Variants in GRIN1 observed in about 807,000 individuals in gnomAD.
GRIN1 encodes glutamate receptor ionotropic, NMDA 1.
GRIN1 carries 38 observed loss-of-function variants against 103.0 expected under a neutral mutation model. The ratio of observed to expected loss-of-function variants is 0.37; its 90% CI spans 0.28 to 0.48. The LOEUF is 0.48. GRIN1 is among the 20% of genes least tolerant of loss of function. GRIN1 has a pLI of 0.98. For synonymous variants in GRIN1, 544 were observed against 532.7 expected, an observed-to-expected ratio of 1.02 and a Z score of -0.29; for missense variants, 577 against 1,288.9, an observed-to-expected ratio of 0.45 and a Z score of 8.46.
At chr9:137,166,484 C>A in intron 19 of GRIN1, among the ~76,000 whole-genome samples, 1 of 152,248 alleles carries the variant, frequency 6.6e-6, no homozygotes, top group Admixed American at 6.5e-5. Context: ...AGCTTACGCC[C>A]GGGGGAGGAA....
chr9:137,167,041 T>C (rs1239649507), intron 19 of GRIN1, among the ~76,000 whole-genome samples: 6 of 152,098 alleles, frequency 3.9e-5, no homozygotes, highest in Non-Finnish European at 8.8e-5. Context: ...CCCAGGGACA[T>C]GTTCCCAGCG....
At chr9:137,143,969 C>T (rs1284094080) in intron 2 of GRIN1, among the ~76,000 whole-genome samples, 2 of 152,238 alleles carry the variant, frequency 1.3e-5, no homozygotes, top group African/African-American at 2.4e-5. Context: ...CAAGCCAGGG[C>T]AAGCAAGCAC....
chr9:137,163,738 G>T, intron 17 of GRIN1, 21 bp from the exon 18 acceptor site: 1 of 1,613,760 alleles, frequency 6.2e-7, no homozygotes, highest in Non-Finnish European at 8.5e-7. Context: ...AGCAACTGAG[G>T]CTCTGGGTCC....
At chr9:137,165,536 A>T (rs958544819) in intron 19 of GRIN1, 1 of 501,610 alleles carries the variant, frequency 2.0e-6, no homozygotes, top group Admixed American at 3.1e-5. Flanking sequence ...CTGCCCGCCC[A>T]CCTCCCCTGC....
In GRIN1 at chr9:137,139,642, G is replaced by T. The variant is rs202166785; in HGVS notation, c.156G>T (p.Arg52=). The T allele has an allele frequency of 6.2e-7, 1 of 1,613,862 alleles. No homozygotes were observed. Among genetic ancestry groups the T allele is most frequent in the Admixed American group, 1.7e-5 (1 of 60,024 alleles). The change falls in exon 1 of 20, where the codon CGG becomes CGT. Residue 52 remains arginine (R), a synonymous_variant. Transcript: ENST00000371561. This position sits in a 1 kb window ranked among gnomAD's most constrained non-coding sequence, Gnocchi z 7.7. Reference sequence around the variant, plus strand: ...AGGCCGTGAACCAGGCCAACAAGCGGCACGGCTCCTGGAAGATTCAGCTCA... The same window carrying T: ...AGGCCGTGAACCAGGCCAACAAGCGTCACGGCTCCTGGAAGATTCAGCTCA... The part of the protein sequence containing the change: ...FREAVNQANK[R]HGSWKIQLNA...
At position 137,161,433 on chromosome 9, in the gene GRIN1, G is replaced by T. The variant is rs771374825; in HGVS notation, c.1467+17G>T. The T allele has an allele frequency of 1.2e-6, 2 of 1,607,416 alleles. No individual in the cohort carries two copies. The highest frequency in any genetic ancestry group is 4.5e-5 in the East Asian group (2 of 44,700). On this transcript the variant is annotated intron_variant, in intron 10 of 19. Transcript: ENST00000371561. ...CAGGAGCGGGTAGGCTGGACGGCGG[G>T]GGTGGGGACCAGCGTGAGAGGGGCC...
chr9:137,161,836 G>A, intron 10 of GRIN1, 88 bp from the exon 11 acceptor site: 1 of 1,348,114 alleles, frequency 7.4e-7, no homozygotes, highest in Non-Finnish European at 1.0e-6. Context: ...GACCCCCGGA[G>A]TGCTCTAGGG....
chr9:137,145,903 G>T lies in GRIN1; in HGVS notation c.570+1G>T. 1 of 1,596,812 alleles carries T rather than the reference G, an allele frequency of 6.3e-7. No individual in the cohort carries two copies. The highest frequency in any genetic ancestry group is 8.5e-7 in the Non-Finnish European group (1 of 1,171,810). On this transcript the variant is annotated splice_donor_variant, in intron 3 of 19. Coordinates refer to ENST00000371561, the MANE Select transcript of GRIN1 (RefSeq NM_007327.4). LOFTEE classifies it high-confidence loss of function. ...GCTGCTGGAGGAGCGTGAGTCCAAG[G>T]TGAGGGTCGGCGCCGCGGGTGGGCG...
intron 3 of GRIN1, among the ~76,000 whole-genome samples, chr9:137,147,405 TGCACACAC>T (rs1327142211): frequency 2.6e-5 from 4 of 151,944 alleles, no homozygotes; most frequent in Admixed American, 1.3e-4. Flanking sequence ...CAGACACACA[TGCACACAC>T]GCACACACGT....
intron 3 of GRIN1, among the ~76,000 whole-genome samples, chr9:137,147,472 G>A (rs980753223): frequency 6.6e-5 from 10 of 151,060 alleles, no homozygotes; most frequent in East Asian, 3.9e-4. Flanking sequence ...ATGCACACAC[G>A]CACACACAAG....
Position 137,148,905 on chromosome 9 carries a change from G to C in GRIN1, c.571-104G>C. ...GCAGGCGCAGACCATGGCAGCCCTA[G>C]CTAAGCTGCCTCGGGGTTCCCAGCG... On this transcript the variant is annotated intron_variant, in intron 3 of 19. Coordinates refer to ENST00000371561, the MANE Select transcript of GRIN1 (RefSeq NM_007327.4). 4 of 821,934 alleles carry C rather than the reference G, an allele frequency of 4.9e-6. No individual in the cohort carries two copies. The East Asian group carries it at 1.1e-4, about 22-fold the overall frequency. 50.9% of individuals were successfully genotyped at this position (821,934 alleles called of 1,614,324 possible). A position where few individuals can be genotyped will look rare whatever the true frequency, so the allele number is the denominator to read the frequency against.
chr9:137,161,209 G>T lies in GRIN1; in HGVS notation c.1339+12G>T, dbSNP rs762183167. The T allele has an allele frequency of 1.2e-6, 2 of 1,606,678 alleles. No homozygotes were observed. Among genetic ancestry groups the T allele is most frequent in the East Asian group, 2.2e-5 (1 of 44,576 alleles). On this transcript the variant is annotated intron_variant, in intron 9 of 19. Coordinates refer to ENST00000371561, the MANE Select transcript of GRIN1 (RefSeq NM_007327.4). ...GTCGCCGGGCAGCCGTGAGTGCGCG[G>T]GGCAGGGCGCGGGGCGCGGGGCAGG...
chr9:137,167,374 G>A lies in GRIN1; in HGVS notation c.2701-37G>A, dbSNP rs377047547. On this transcript the variant is annotated intron_variant, in intron 19 of 19. Transcript: ENST00000371561. ...GGGCTGGGGTCCCTGGCGGCCGGCGGGGCCAGCGGGTATTGATTGTTGGTT... is the reference window on the plus strand; with the variant it reads ...GGGCTGGGGTCCCTGGCGGCCGGCGAGGCCAGCGGGTATTGATTGTTGGTT... The A allele has an allele frequency of 2.0e-6, 3 of 1,505,058 alleles. No individual in the cohort carries two copies. In the South Asian group the frequency reaches 3.6e-5, roughly 18 times the overall value. The allele number at this position is 1,505,058 out of a possible 1,614,324, so 93.2% of individuals were successfully genotyped here.
At position 137,167,678 on chromosome 9, in the gene GRIN1, C is replaced by T. The variant is rs984544960; in HGVS notation, c.*151C>T. 5 of 1,551,900 alleles carry T rather than the reference C, an allele frequency of 3.2e-6. No homozygotes were observed. Among genetic ancestry groups the T allele is most frequent in the South Asian group, 2.4e-5 (2 of 84,312 alleles). ...CCCCAGGCTGCGCCTGCCCGCCCGC[C>T]GGTTGGCCGGCTGGCCGGTCCACCC... is the stretch of plus-strand genomic sequence containing the variant. On this transcript the variant is annotated 3_prime_UTR_variant, in exon 20 of 20. Coordinates refer to ENST00000371561, the MANE Select transcript of GRIN1 (RefSeq NM_007327.4).
intron 2 of GRIN1, among the ~76,000 whole-genome samples, chr9:137,143,651 G>A (rs1428531983): frequency 6.6e-6 from 1 of 152,208 alleles, no homozygotes; most frequent in African/African-American, 2.4e-5. Flanking sequence ...ACATGAACCG[G>A]CAAGGCCAGG....
At chr9:137,147,499 T>C (rs562260460) in intron 3 of GRIN1, among the ~76,000 whole-genome samples, 2 of 151,770 alleles carry the variant, frequency 1.3e-5, no homozygotes, top group Admixed American at 6.6e-5. Context: ...CACACGCACA[T>C]GCACACATGC....
At chr9:137,164,076 G>A (rs754544049) in intron 18 of GRIN1, 172 bp downstream of exon 18, 3 of 806,614 alleles carry the variant, frequency 3.7e-6, no homozygotes, top group East Asian at 2.7e-5. Flanking sequence ...CAGCACCGGT[G>A]GGGGGCTGCC....
chr9:137,149,204 G>C lies in GRIN1; in HGVS notation c.671+95G>C. ...CAGAGCTGGGACATTGTTGGGCACA[G>C]TGACCTTCAGCTTCCAAAGCACCTT... is the stretch of plus-strand genomic sequence containing the variant. On this transcript the variant is annotated intron_variant, in intron 4 of 19. Transcript: ENST00000371561. The C allele has an allele frequency of 4.6e-6, 4 of 877,618 alleles. No individual in the cohort carries two copies. In the South Asian group the frequency reaches 5.7e-5, roughly 12 times the overall value. 54.4% of individuals were successfully genotyped at this position (877,618 alleles called of 1,614,324 possible). A position where few individuals can be genotyped will look rare whatever the true frequency, so the allele number is the denominator to read the frequency against.
At chr9:137,144,376 C>T (rs367702689) in intron 2 of GRIN1, among the ~76,000 whole-genome samples, 101 of 146,348 alleles carry the variant, frequency 6.9e-4, no homozygotes, top group African/African-American at 1.5e-3. Context: ...CCAGGTTGGC[C>T]GGGCGCGGTG....
Sources: gnomAD v4.1 joint callset for allele counts (sites outside exome capture counted in the v4.1 genomes callset) on GRCh38, gnomAD v4.1.1 for gene constraint, Gnocchi (gnomAD v3.1) non-coding constraint, MANE v1.5 for transcripts, NCBI Gene and HGNC (gene_info 2026-07-23, HGNC 2026-07-21) for gene names.